The following WNK2 variants were observed in gnomAD, a reference collection of about 807,000 sequenced individuals.
The protein encoded by WNK2 is serine/threonine-protein kinase WNK2.
In WNK2, 67 loss-of-function variants were observed where a neutral mutation model predicts 192.1. The ratio of observed to expected loss-of-function variants is 0.35; its 90% confidence interval spans 0.29 to 0.43. WNK2 has a LOEUF of 0.43. WNK2 is among the 20% of genes least tolerant of loss of function. The probability of loss-of-function intolerance (pLI) is 1.00; values close to 1 mark genes in which losing one functional copy is unlikely to be tolerated. For synonymous variants in WNK2, 1,439 were observed against 1,393.9 expected, an observed-to-expected ratio of 1.03 and a Z score of -0.72; for missense variants, 2,698 against 3,089.7, an observed-to-expected ratio of 0.87 and a Z score of 3.01.
chr9:93,231,790 C>T (rs1301424769), intron 4 of WNK2, among the ~76,000 whole-genome samples: 1 of 152,194 alleles, frequency 6.6e-6, no homozygotes, highest in Non-Finnish European at 1.5e-5. Context: ...GAGATGCCGT[C>T]GCCCCTAGGG....
chr9:93,292,909 G>A lies in WNK2; in HGVS notation c.5444G>A (p.Arg1815Gln), dbSNP rs749704729. The A allele has an allele frequency of 1.9e-5, 29 of 1,521,998 alleles. No homozygotes were observed. The South Asian group carries it at 3.0e-4, about 16-fold the overall frequency. The allele number at this position is 1,521,998 out of a possible 1,614,324, so 94.3% of individuals were successfully genotyped here. A position where few individuals can be genotyped will look rare whatever the true frequency, so the allele number is the denominator to read the frequency against. The change falls in exon 23 of 30, where the codon CGG becomes CAG. Residue 1815 changes from arginine (R) to glutamine (Q), a missense_variant. By Grantham distance (43) the Arg-to-Gln change is conservative (BLOSUM62 1). Transcript: ENST00000427277. ...VSSDSGDEGP[R>Q]ARPPVQKQAS... ...AGCGACTCTGGGGACGAGGGCCCTCGGGCGAGACCCCCGGTGCAGAAGCAG... is the reference window on the plus strand; with the variant it reads ...AGCGACTCTGGGGACGAGGGCCCTCAGGCGAGACCCCCGGTGCAGAAGCAG...
At chr9:93,219,766 G>A (rs909594916) in intron 2 of WNK2, among the ~76,000 whole-genome samples, 4 of 152,260 alleles carry the variant, frequency 2.6e-5, no homozygotes, top group East Asian at 1.9e-4. Flanking sequence ...TAAAACACCC[G>A]TATGCCATGT....
In WNK2 at chr9:93,234,981, C is replaced by G; in HGVS notation, c.1233+16C>G. 1 of 1,613,682 alleles carries G rather than the reference C, an allele frequency of 6.2e-7. No individual in the cohort carries two copies. Among genetic ancestry groups the G allele is most frequent in the Non-Finnish European group, 8.5e-7 (1 of 1,179,744 alleles). The stretch of plus-strand genomic sequence containing the variant: ...GGTCACCTGTGTGAGTCCACCTGGC[C>G]CCTTGGTTAATTAATAAGGACACAG... On this transcript the variant is annotated intron_variant, in intron 5 of 29. Coordinates refer to ENST00000427277, the MANE Select transcript of WNK2 (RefSeq NM_006648.4).
At position 93,257,981 on chromosome 9, in the gene WNK2, A is replaced by T. The variant is rs1843583194; in HGVS notation, c.2382+842A>T. 6.6e-6 allele frequency among the ~76,000 whole-genome samples: 1 copy of T among 152,218 alleles called. No homozygotes were observed. The highest frequency in any genetic ancestry group is 1.5e-5 in the Non-Finnish European group (1 of 68,030). ...AGACTGGAAGTGTGCTTCACTCTAA[A>T]GATGGGGCAAGTGAGTGTTCCTGTG... On this transcript the variant is annotated intron_variant, in intron 11 of 29. Coordinates refer to ENST00000427277, the MANE Select transcript of WNK2 (RefSeq NM_006648.4). This position sits in a 1 kb window ranked among gnomAD's most constrained non-coding sequence, Gnocchi z 4.7.
At chr9:93,262,965 G>A (rs538076149) in intron 14 of WNK2, among the ~76,000 whole-genome samples, 2 of 152,344 alleles carry the variant, frequency 1.3e-5, no homozygotes, top group Admixed American at 1.3e-4. Flanking sequence ...CTGGTTTGCA[G>A]TGCTGAGAAT....
chr9:93,230,186 TG>T (rs1346140535), intron 3 of WNK2, among the ~76,000 whole-genome samples: 28 of 150,764 alleles, frequency 1.9e-4, no homozygotes, highest in Admixed American at 1.8e-3. Flanking sequence ...GATGTGGAGG[TG>T]GTTAGTGAGG....
At chr9:93,233,461 T>C (rs1275475367) in intron 4 of WNK2, among the ~76,000 whole-genome samples, 1 of 152,090 alleles carries the variant, frequency 6.6e-6, no homozygotes, top group Non-Finnish European at 1.5e-5. Flanking sequence ...TTTGGGAGGC[T>C]GAGGCGGGCG....
intron 18 of WNK2, among the ~76,000 whole-genome samples, chr9:93,268,420 T>C (rs1032268466): frequency 2.0e-5 from 3 of 152,158 alleles, no homozygotes; most frequent in African/African-American, 7.2e-5. Flanking sequence ...CCAAGGAGCC[T>C]GGGGAACCAC....
intron 26 of WNK2, 153 bp from the exon 27 acceptor site, chr9:93,306,624 T>C: frequency 1.0e-6 from 1 of 964,152 alleles, no homozygotes; most frequent in South Asian, 1.5e-5. Context: ...GGCTGCCCCG[T>C]TTCCCCCGGC....
chr9:93,320,442 C>A lies in WNK2; in HGVS notation c.*50C>A, dbSNP rs554525823. 60 of 1,366,716 alleles carry A rather than the reference C, an allele frequency of 4.4e-5. No individual in the cohort carries two copies. Among genetic ancestry groups the A allele is most frequent in the Non-Finnish European group, 5.9e-5 (60 of 1,021,256 alleles). The allele number at this position is 1,366,716 out of a possible 1,614,324, so 84.7% of individuals were successfully genotyped here. ...TCACGCCGTCTAAGTGGAGAAGTGACGGACCCTCAGGGCCAGCTGCTCCTC... is the reference window on the plus strand; with the variant it reads ...TCACGCCGTCTAAGTGGAGAAGTGAAGGACCCTCAGGGCCAGCTGCTCCTC... On this transcript the variant is annotated 3_prime_UTR_variant, in exon 30 of 30. Coordinates refer to ENST00000427277, the MANE Select transcript of WNK2 (RefSeq NM_006648.4).
At chr9:93,211,207 CATTCAATCACTCATCCACT>C (rs1834517771) in intron 2 of WNK2, among the ~76,000 whole-genome samples, 2 of 151,022 alleles carry the variant, frequency 1.3e-5, no homozygotes, top group Non-Finnish European at 3.0e-5. Flanking sequence ...CACATTTACT[CATTCAATCACTCATCCACT>C]CACTCACTCA....
Position 93,185,025 on chromosome 9 carries a change from G to T in WNK2, c.96G>T (p.Lys32Asn). 1 of 1,257,094 alleles carries T rather than the reference G, an allele frequency of 8.0e-7. No individual in the cohort carries two copies. The highest frequency in any genetic ancestry group is 3.0e-5 in the South Asian group (1 of 33,474). 77.9% of individuals were successfully genotyped at this position (1,257,094 alleles called of 1,614,324 possible). A position where few individuals can be genotyped will look rare whatever the true frequency, so the allele number is the denominator to read the frequency against. ...CGGGCATGGCGGAGCCTCGGGCGAAGGCGGCGCGGCCGGGGCCCCAGCGCT... is the reference window on the plus strand; with the variant it reads ...CGGGCATGGCGGAGCCTCGGGCGAATGCGGCGCGGCCGGGGCCCCAGCGCT... ...GPAGMAEPRAKAARPGPQRFL... is the reference protein window; with the variant it reads ...GPAGMAEPRANAARPGPQRFL... The change falls in exon 2 of 30, where the codon AAG becomes AAT. Residue 32 changes from lysine to asparagine, a missense_variant. Transcript: ENST00000427277.
At chr9:93,291,725 C>T (rs535424243) in intron 21 of WNK2, among the ~76,000 whole-genome samples, 43 of 152,340 alleles carry the variant, frequency 2.8e-4, no homozygotes, top group African/African-American at 1.0e-3. Flanking sequence ...CCCTGGCCTA[C>T]CCACGAGTTT....
rs1051993690 is a variant in WNK2 at position 93,185,208 on chromosome 9, C to G, written c.279C>G (p.Pro93=). 10 of 1,160,374 alleles carry G rather than the reference C, an allele frequency of 8.6e-6. No individual in the cohort carries two copies. In the East Asian group the frequency reaches 4.2e-4, roughly 49 times the overall value. The allele number at this position is 1,160,374 out of a possible 1,614,324, so 71.9% of individuals were successfully genotyped here. Reference sequence around the variant, plus strand: ...TCGCGGAGCGCGCCCGCGGACGCCCCGCCGCCCCCGCGCCCGCAGCGCTGG... The same window carrying G: ...TCGCGGAGCGCGCCCGCGGACGCCCGGCCGCCCCCGCGCCCGCAGCGCTGG... ...RLIAERARGR[P]AAPAPAALVA... The change falls in exon 2 of 30, where the codon CCC becomes CCG. Residue 93 remains proline (P), a synonymous_variant. Transcript: ENST00000427277.
intron 2 of WNK2, among the ~76,000 whole-genome samples, chr9:93,207,716 G>A (rs1280616399): frequency 1.3e-5 from 2 of 152,250 alleles, no homozygotes; most frequent in African/African-American, 2.4e-5. Flanking sequence ...CCTAAGTCAC[G>A]GGCCAGGATT....
In WNK2 at chr9:93,239,662, T is replaced by C; in HGVS notation, c.1323-95T>C. The C allele has an allele frequency of 1.8e-6, 2 of 1,102,428 alleles. No individual in the cohort carries two copies. Among genetic ancestry groups the C allele is most frequent in the Admixed American group, 2.4e-5 (1 of 41,576 alleles). 68.3% of individuals were successfully genotyped at this position (1,102,428 alleles called of 1,614,324 possible). On this transcript the variant is annotated intron_variant, in intron 6 of 29. Transcript: ENST00000427277. This position sits in a 1 kb window ranked among gnomAD's most constrained non-coding sequence, Gnocchi z 4.2. ...AGGCCTGGCCTCAGGCTCCTGCAGG[T>C]GTGCCTGTCCTTGTCCTGGTGCGCA... is the stretch of plus-strand genomic sequence containing the variant.
At chr9:93,213,367 A>G (rs569384898) in intron 2 of WNK2, among the ~76,000 whole-genome samples, 1 of 152,210 alleles carries the variant, frequency 6.6e-6, no homozygotes, top group Non-Finnish European at 1.5e-5. Flanking sequence ...TAATGTATCC[A>G]TGTAATGGTA....
chr9:93,191,895 C>T (rs1274395617), intron 2 of WNK2, among the ~76,000 whole-genome samples: 1 of 151,884 alleles, frequency 6.6e-6, no homozygotes, highest in African/African-American at 2.4e-5. Context: ...AGTATGGTGG[C>T]GGGCACCTGT....
intron 23 of WNK2, among the ~76,000 whole-genome samples, chr9:93,295,458 A>C (rs925895681): frequency 2.6e-5 from 4 of 152,102 alleles, no homozygotes; most frequent in East Asian, 1.9e-4. Flanking sequence ...TTAAAAAAAA[A>C]CAAAAAGCCT....
Sources: gnomAD v4.1 joint callset for allele counts (sites outside exome capture counted in the v4.1 genomes callset) on GRCh38, gnomAD v4.1.1 for gene constraint, Gnocchi (gnomAD v3.1) non-coding constraint, MANE v1.5 for transcripts, NCBI Gene and HGNC (gene_info 2026-07-23, HGNC 2026-07-21) for gene names.